TTN: variants seen among roughly 807,000 people sequenced by gnomAD.
TTN encodes connectin.
TTN carries 1,525 observed loss-of-function variants against 3,223.0 expected under a neutral mutation model. The observed-to-expected ratio is 0.47, with a 90% CI of 0.45 to 0.49. TTN has a LOEUF of 0.49. Ranked by LOEUF, TTN falls within the 20% of genes least tolerant of loss-of-function variation. The probability of loss-of-function intolerance (pLI) is 0.00; values close to 1 mark genes in which losing one functional copy is unlikely to be tolerated. For missense variants in TTN, 40,786 were observed against 43,424.0 expected (o/e 0.94, Z 5.40); for synonymous variants, 14,094 against 15,161.0 (o/e 0.93, Z 5.17).
rs559370267 is a variant in TTN at position 178,780,684 on chromosome 2, G to T, written c.3523+437C>A. ...AAACATTGAAAATCCTGACTTCCAG[G>T]TTTTCTTTAAGATATCAGGAGCTCT... On this transcript the variant is annotated intron_variant, in intron 21 of 362. Coordinates refer to ENST00000589042, the MANE Select transcript of TTN (RefSeq NM_001267550.2). Among the ~76,000 whole-genome samples the T allele has an allele frequency of 2.0e-5, 3 of 152,284 alleles. No individual in the cohort carries two copies. In the South Asian group the frequency reaches 6.2e-4, roughly 32 times the overall value.
At position 178,552,751 on chromosome 2, in the gene TTN, C is replaced by G. The variant is rs752534032; in HGVS notation, c.90149G>C (p.Ser30050Thr). ...ACCATCAAAGTCAGGTTTGGTCCAG[C>G]TGAGGATGACAGATGTCTTTGTTGA... ...KDSTKTSVIL[S>T]WTKPDFDGGS... The change falls in exon 335 of 363, where the codon AGC (serine) becomes ACC (threonine). Residue 30050 changes from serine to threonine, a missense_variant. Coordinates refer to ENST00000589042, the MANE Select transcript of TTN (RefSeq NM_001267550.2). 3.7e-6 allele frequency: 6 copies of G among 1,613,906 alleles called. No individual in the cohort carries two copies. The South Asian group carries it at 5.5e-5, about 15-fold the overall frequency.
At position 178,609,991 on chromosome 2, in the gene TTN, A is replaced by G; in HGVS notation, c.51437-5T>C. On this transcript the variant is annotated splice_polypyrimidine_tract_variant and splice_region_variant and intron_variant, in intron 271 of 362. Coordinates refer to ENST00000589042, the MANE Select transcript of TTN (RefSeq NM_001267550.2). ...CTACAGGTGGATCAGGGGGTTCTGA[A>G]GAACAAGAAAAAAATGTTAGTATCA... The G allele has an allele frequency of 6.2e-7, 1 of 1,610,160 alleles. No homozygotes were observed.
intron 214 of TTN, 49 bp downstream of exon 214, chr2:178,647,332 G>A: frequency 6.5e-7 from 1 of 1,527,998 alleles, no homozygotes; most frequent in Non-Finnish European, 8.9e-7. Context: ...CAAAGCAAGA[G>A]GATGAAGACA....
chr2:178,574,452 C>A lies in TTN; in HGVS notation c.71680G>T (p.Gly23894Cys). ...ATCACCCGGAACTCATAAGCAATAC[C>A]ATCTGTAAGTCCACTTGATTTGAAA... ...NIFKSSGLTD[G>C]IAYEFRVIAE... is the part of the protein sequence containing the mutation. The change falls in exon 326 of 363, where the codon GGT (glycine) becomes TGT (cysteine). Residue 23894 changes from glycine to cysteine, a missense_variant. By Grantham distance (159) the Gly-to-Cys change is radical (BLOSUM62 -3). Transcript: ENST00000589042. 6.2e-6 allele frequency: 10 copies of A among 1,613,560 alleles called. No homozygotes were observed. The highest frequency in any genetic ancestry group is 7.6e-6 in the Non-Finnish European group (9 of 1,179,624).
chr2:178,564,941 A>T lies in TTN; in HGVS notation c.81191T>A (p.Val27064Asp), dbSNP rs1705136548. 6.2e-7 allele frequency: 1 copy of T among 1,612,410 alleles called. No homozygotes were observed. Among genetic ancestry groups the T allele is most frequent in the Non-Finnish European group, 8.5e-7 (1 of 1,179,228 alleles). Reference sequence around the variant, plus strand: ...TTCTTTAAATGGATATTGTACAATAACTGCCTTAGAATCCAGTGGGGCACT... The same window carrying T: ...TTCTTTAAATGGATATTGTACAATATCTGCCTTAGAATCCAGTGGGGCACT... The part of the protein sequence containing the change: ...GKSAPLDSKA[V>D]IVQYPFKEPG... The change falls in exon 326 of 363, where the codon GTT becomes GAT. Residue 27064 changes from valine to aspartate, a missense_variant. Val to Asp is a radical substitution (Grantham distance 152). Coordinates refer to ENST00000589042, the MANE Select transcript of TTN (RefSeq NM_001267550.2).
rs772628162 is a variant in TTN at position 178,568,889 on chromosome 2, C to T, written c.77243G>A (p.Cys25748Tyr). 5 of 1,613,200 alleles carry T rather than the reference C, an allele frequency of 3.1e-6. No homozygotes were observed. The highest frequency in any genetic ancestry group is 1.3e-5 in the African/African-American group (1 of 75,004). The change falls in exon 326 of 363, where the codon TGT becomes TAT. Residue 25748 changes from cysteine (C) to tyrosine (Y), a missense_variant. Physicochemically the swap from Cys to Tyr is radical, Grantham distance 194. Coordinates refer to ENST00000589042, the MANE Select transcript of TTN (RefSeq NM_001267550.2). The part of the protein sequence containing the change: ...QAKHSEKWSE[C>Y]ARVKSLQAVI... ...TGCCTGAAGAGACTTTACTCGAGCACACTCTGACCATTTCTCACTGTGTTT... is the reference window on the plus strand; with the variant it reads ...TGCCTGAAGAGACTTTACTCGAGCATACTCTGACCATTTCTCACTGTGTTT...
chr2:178,711,381 T>C (rs1282283384), intron 96 of TTN, 32 bp from the exon 97 acceptor site: 3 of 1,527,920 alleles, frequency 2.0e-6, no homozygotes, highest in Non-Finnish European at 2.6e-6. Flanking sequence ...AACAAATACT[T>C]TAATTTACTA....
In TTN at chr2:178,731,719, ATGCTGC is replaced by A; in HGVS notation, c.17150_17155del (p.Ser5717_Ser5718del). The A allele has an allele frequency of 6.2e-7, 1 of 1,612,442 alleles. No homozygotes were observed. Among genetic ancestry groups the A allele is most frequent in the Non-Finnish European group, 8.5e-7 (1 of 1,178,692 alleles). ...TCTTAAAGTCACCCTGGCACTGCAG[ATGCTGC>A]TGCCCACCTCATTGGTCACCCGACA... On this transcript the variant is annotated inframe_deletion, in exon 58 of 363. Transcript: ENST00000589042.
chr2:178,773,221 T>C lies in TTN; in HGVS notation c.7743A>G (p.Glu2581=). The C allele has an allele frequency of 6.2e-7, 1 of 1,613,888 alleles. No individual in the cohort carries two copies. Among genetic ancestry groups the C allele is most frequent in the Admixed American group, 1.7e-5 (1 of 59,970 alleles). ...EIKPSSKYKI[E]AHGKIYKLTV... ...TCAATTTATATATTTTTCCATGTGCTTCAATTTTATATTTAGAACTGGGCT... is the reference window on the plus strand; with the variant it reads ...TCAATTTATATATTTTTCCATGTGCCTCAATTTTATATTTAGAACTGGGCT... The change falls in exon 33 of 363, where the codon GAA becomes GAG. Residue 2581 remains glutamate, a synonymous_variant. Coordinates refer to ENST00000589042, the MANE Select transcript of TTN (RefSeq NM_001267550.2).
At chr2:178,630,470 T>C in intron 238 of TTN, 103 bp from the exon 239 acceptor site, 1 of 1,369,282 alleles carries the variant, frequency 7.3e-7, no homozygotes, top group Non-Finnish European at 9.9e-7. Flanking sequence ...AAATAAATGG[T>C]GATGAAACTT....
Position 178,532,100 on chromosome 2 carries a change from G to T in TTN, c.104515C>A (p.Arg34839=), listed in dbSNP as rs1553488049. 6.2e-7 allele frequency: 1 copy of T among 1,613,922 alleles called. No individual in the cohort carries two copies. Among genetic ancestry groups the T allele is most frequent in the South Asian group, 1.1e-5 (1 of 91,086 alleles). ...SSSSASRLLR[R]RRSLSPTYIE... ...TAAGTTGGAGACAGGGAGCGCCGTC[G>T]TCTCAGTAGTCTAGACGCAGATGAG... Residue 34839 remains arginine, a synonymous_variant, in exon 358 of 363, where the codon CGA becomes AGA. Transcript: ENST00000589042.
chr2:178,615,057 C>T lies in TTN; in HGVS notation c.48639-89G>A, dbSNP rs2154203996. ...CATAATCTTTCAAAAATTCAAACCCCTGGTATAATACTAGTCTTTAAATTA... is the reference window on the plus strand; with the variant it reads ...CATAATCTTTCAAAAATTCAAACCCTTGGTATAATACTAGTCTTTAAATTA... On this transcript the variant is annotated intron_variant, in intron 259 of 362. Coordinates refer to ENST00000589042, the MANE Select transcript of TTN (RefSeq NM_001267550.2). The T allele has an allele frequency of 1.0e-5, 12 of 1,189,432 alleles. 1 individual carries two copies. The South Asian group carries it at 1.6e-4, about 16-fold the overall frequency. The allele number at this position is 1,189,432 out of a possible 1,614,324, so 73.7% of individuals were successfully genotyped here. A position where few individuals can be genotyped will look rare whatever the true frequency, so the allele number is the denominator to read the frequency against.
intron 271 of TTN, 30 bp from the exon 272 acceptor site, chr2:178,610,016 A>T: frequency 1.2e-6 from 2 of 1,610,158 alleles, no homozygotes; most frequent in South Asian, 2.2e-5. Context: ...TGTTAGTATC[A>T]GGAAAACCAC....
Position 178,576,054 on chromosome 2 carries a change from G to A in TTN, c.70078C>T (p.Leu23360Phe). ...LRRTLVVRAG[L>F]SIRIFVPIKG... ...ATTGGCACAAATATCCTAATACTGA[G>A]TCCTGCTCTAACAACAAGTGTTCTT... is the stretch of plus-strand genomic sequence containing the variant. Residue 23360 changes from leucine (L) to phenylalanine (F), a missense_variant, in exon 326 of 363, where the codon CTC becomes TTC. Physicochemically the swap from Leu to Phe is conservative, Grantham distance 22. Transcript: ENST00000589042. The surrounding 1 kb of genome is among the most constrained non-coding windows in gnomAD (Gnocchi z 4.3). The A allele has an allele frequency of 6.2e-6, 10 of 1,613,506 alleles. No individual in the cohort carries two copies. Among genetic ancestry groups the A allele is most frequent in the Non-Finnish European group, 7.6e-6 (9 of 1,179,606 alleles).
In TTN at chr2:178,717,563, A is replaced by G. The variant is rs2077678783; in HGVS notation, c.25311T>C (p.Pro8437=). The G allele has an allele frequency of 3.1e-6, 5 of 1,612,596 alleles. No homozygotes were observed. Among genetic ancestry groups the G allele is most frequent in the Non-Finnish European group, 4.2e-6 (5 of 1,179,070 alleles). ...TGGCACTGGATGAAGCAGTCCCAAG[A>G]GGATTAGAAGCAGAGCAATTATACT... ...IGQYNCSASN[P]LGTASSSAKL... Residue 8437 remains proline (P), a synonymous_variant, in exon 87 of 363, where the codon CCT becomes CCC. Coordinates refer to ENST00000589042, the MANE Select transcript of TTN (RefSeq NM_001267550.2).
intron 221 of TTN, 55 bp downstream of exon 221, chr2:178,640,486 A>T: frequency 6.9e-7 from 1 of 1,449,098 alleles, no homozygotes; most frequent in Non-Finnish European, 9.6e-7. Context: ...ATGATATTTT[A>T]AATGATACAT....
At chr2:178,708,858 A>AG (rs1020289454) in intron 99 of TTN, among the ~76,000 whole-genome samples, 5 of 152,150 alleles carry the variant, frequency 3.3e-5, no homozygotes, top group African/African-American at 1.2e-4. Flanking sequence ...AGGCTGCTCT[A>AG]GGAGGTTAGT....
Position 178,634,612 on chromosome 2 carries a change from C to T in TTN, c.42169G>A (p.Ala14057Thr), listed in dbSNP as rs376192503. The part of the protein sequence containing the change: ...LTVKEIELDF[A>T]VPLKDVTVPE... ...ACAGTGACATCCTTCAGGGGCACAGCAAAGTCAAGTTCGATTTCTGAAAAT... is the reference window on the plus strand; with the variant it reads ...ACAGTGACATCCTTCAGGGGCACAGTAAAGTCAAGTTCGATTTCTGAAAAT... The change falls in exon 230 of 363, where the codon GCT (alanine) becomes ACT (threonine). Residue 14057 changes from alanine to threonine, a missense_variant. Ala to Thr is a moderately conservative substitution (Grantham distance 58). Coordinates refer to ENST00000589042, the MANE Select transcript of TTN (RefSeq NM_001267550.2). The surrounding 1 kb of genome is among the most constrained non-coding windows in gnomAD (Gnocchi z 4.6). The T allele has an allele frequency of 7.4e-6, 12 of 1,613,222 alleles. No individual in the cohort carries two copies. Among genetic ancestry groups the T allele is most frequent in the Non-Finnish European group, 9.3e-6 (11 of 1,179,494 alleles).
chr2:178,743,282 C>T (rs1004037397), intron 47 of TTN, among the ~76,000 whole-genome samples: 3 of 152,082 alleles, frequency 2.0e-5, no homozygotes, highest in Non-Finnish European at 4.4e-5. Flanking sequence ...GTGGTAGCAG[C>T]TATTAATTGT....
Sources: gnomAD v4.1 joint callset for allele counts (sites outside exome capture counted in the v4.1 genomes callset) on GRCh38, gnomAD v4.1.1 for gene constraint, Gnocchi (gnomAD v3.1) non-coding constraint, MANE v1.5 for transcripts, NCBI Gene and HGNC (gene_info 2026-07-23, HGNC 2026-07-21) for gene names.